Variants in TMEM178B observed in about 807,000 individuals in gnomAD.
TMEM178B encodes the protein transmembrane protein 178B.
Under a neutral mutation model 31.0 loss-of-function variants are expected in TMEM178B, and 5 were observed. The ratio of observed to expected loss-of-function variants is 0.16; its 90% CI spans 0.08 to 0.34. TMEM178B has a LOEUF of 0.34. TMEM178B is among the 10% of genes least tolerant of loss of function. The pLI is 1.00. For missense variants in TMEM178B, 275 were observed against 400.3 expected, an observed-to-expected ratio of 0.69 and a Z score of 2.67; for synonymous variants, 164 against 164.0, an observed-to-expected ratio of 1.00 and a Z score of 0.00.
rs969743698 is a variant in TMEM178B at position 141,138,721 on chromosome 7, G to A, written c.382+64029G>A. Among the ~76,000 whole-genome samples the A allele has an allele frequency of 3.3e-5, 5 of 152,038 alleles. No individual in the cohort carries two copies. In the East Asian group the frequency reaches 5.8e-4, roughly 18 times the overall value. ...GTGGTGGCCGGGCGGGGTGGCTCACGCCTGTAATCCCAGCACTTTGGGAGG... is the reference window on the plus strand; with the variant it reads ...GTGGTGGCCGGGCGGGGTGGCTCACACCTGTAATCCCAGCACTTTGGGAGG... On this transcript the variant is annotated intron_variant, in intron 1 of 3. Transcript: ENST00000565468.
intron 1 of TMEM178B, among the ~76,000 whole-genome samples, chr7:141,088,427 G>T (rs1794823715): frequency 6.6e-6 from 1 of 151,974 alleles, no homozygotes; most frequent in Non-Finnish European, 1.5e-5. Context: ...CTTCTTCTTT[G>T]CCAGTTTTTC....
intron 1 of TMEM178B, among the ~76,000 whole-genome samples, chr7:141,090,760 T>C (rs1055930007): frequency 1.3e-5 from 2 of 152,220 alleles, no homozygotes; most frequent in Non-Finnish European, 2.9e-5. Flanking sequence ...AGAGATGTCA[T>C]GGCCAGCCAA....
Position 141,252,821 on chromosome 7 carries a change from T to A in TMEM178B, c.496+40117T>A, listed in dbSNP as rs148749503. Among the ~76,000 whole-genome samples the A allele has an allele frequency of 3.9e-3, 595 of 152,336 alleles. 3 individuals carry two copies. Among genetic ancestry groups the A allele is most frequent in the South Asian group, 0.019 (91 of 4,828 alleles). On this transcript the variant is annotated intron_variant, in intron 2 of 3. Coordinates refer to ENST00000565468, the MANE Select transcript of TMEM178B (RefSeq NM_001195278.2). ...GAAAGCCAATACAGCAGTGGCACAG[T>A]TAGCACCAGGTGTCCTGGGTCTCAG...
intron 2 of TMEM178B, chr7:141,416,393 T>C (rs1801096860): frequency 6.5e-6 from 1 of 152,688 alleles, no homozygotes; most frequent in Admixed American, 6.5e-5. Flanking sequence ...TTTGTGCTAC[T>C]GAGTAGGAGG....
intron 2 of TMEM178B, among the ~76,000 whole-genome samples, chr7:141,392,169 TCAAAA>T (rs1800555228): frequency 1.3e-5 from 2 of 152,166 alleles, no homozygotes; most frequent in African/African-American, 2.4e-5. Context: ...TCACTCAGAT[TCAAAA>T]CAAAACAAGT....
In TMEM178B at chr7:141,213,095, G is replaced by T. The variant is rs540314198; in HGVS notation, c.496+391G>T. Among the ~76,000 whole-genome samples the T allele has an allele frequency of 4.6e-5, 7 of 152,180 alleles. No individual in the cohort carries two copies. In the South Asian group the frequency reaches 1.5e-3, roughly 32 times the overall value. Reference sequence around the variant, plus strand: ...ATTGTGGTAACCTGTTAGTCCCTTGGGTTGCATTTGTAAAGGATGAGACCA... The same window carrying T: ...ATTGTGGTAACCTGTTAGTCCCTTGTGTTGCATTTGTAAAGGATGAGACCA... On this transcript the variant is annotated intron_variant, in intron 2 of 3. Transcript: ENST00000565468.
chr7:141,168,582 G>A (rs1009502296), intron 1 of TMEM178B, among the ~76,000 whole-genome samples: 2 of 152,084 alleles, frequency 1.3e-5, no homozygotes, highest in Non-Finnish European at 2.9e-5. Context: ...GACGAGCCTG[G>A]CCAACATGGT....
chr7:141,507,791 A>G, the TMEM178B span, among the ~76,000 whole-genome samples: 1 of 152,208 alleles, frequency 6.6e-6, no homozygotes. Context: ...CCTTTCAGCC[A>G]TGGCTGAAGC....
intron 1 of TMEM178B, among the ~76,000 whole-genome samples, chr7:141,189,114 A>G (rs1254043732): frequency 6.6e-6 from 1 of 152,258 alleles, no homozygotes. Context: ...CCTGGACATC[A>G]TAAGAGGCTT....
chr7:141,484,304 T>C (rs1036699942), downstream of TMEM178B, among the ~76,000 whole-genome samples: 2 of 152,198 alleles, frequency 1.3e-5, no homozygotes, highest in Non-Finnish European at 2.9e-5. This position sits in a 1 kb window ranked among gnomAD's most constrained non-coding sequence, Gnocchi z 4.8. Flanking sequence ...TGCAGAACTT[T>C]CCTTTGCTAG....
intron 2 of TMEM178B, among the ~76,000 whole-genome samples, chr7:141,244,100 G>A (rs1312231645): frequency 6.6e-6 from 1 of 152,066 alleles, no homozygotes; most frequent in African/African-American, 2.4e-5. Context: ...TATATTTTTA[G>A]GCTGTTATTT....
intron 3 of TMEM178B, among the ~76,000 whole-genome samples, chr7:141,467,830 T>C (rs1315424953): frequency 6.6e-6 from 1 of 152,166 alleles, no homozygotes; most frequent in Non-Finnish European, 1.5e-5. Context: ...GGGATTATTT[T>C]CTTAAAGTGA....
intron 3 of TMEM178B, among the ~76,000 whole-genome samples, chr7:141,457,348 C>A (rs2366240): frequency 0.21 from 31,322 of 152,128 alleles, 3,324 homozygotes; most frequent in East Asian, 0.29. Context: ...TCCTAATATA[C>A]CCACATATAA....
chr7:141,261,088 C>T (rs890559892), intron 2 of TMEM178B, among the ~76,000 whole-genome samples: 10 of 152,176 alleles, frequency 6.6e-5, no homozygotes, highest in South Asian at 2.1e-4. Flanking sequence ...CAGTATATTT[C>T]TGTATTTAAA....
At chr7:141,160,840 A>T (rs1796157533) in intron 1 of TMEM178B, among the ~76,000 whole-genome samples, 1 of 152,122 alleles carries the variant, frequency 6.6e-6, no homozygotes. Flanking sequence ...TAAATTCAAC[A>T]CATTTTTATT....
At chr7:141,250,811 T>G (rs575672905) in intron 2 of TMEM178B, among the ~76,000 whole-genome samples, 2 of 152,326 alleles carry the variant, frequency 1.3e-5, no homozygotes, top group Admixed American at 6.5e-5. Flanking sequence ...ATGGCCTCAT[T>G]GTTTGCCCAA....
At chr7:141,496,478 G>A in the TMEM178B span, among the ~76,000 whole-genome samples, 4 of 149,812 alleles carry the variant, frequency 2.7e-5, no homozygotes, top group South Asian at 6.2e-4. Context: ...AGACCATCCC[G>A]GCTAAAACGG....
intron 3 of TMEM178B, among the ~76,000 whole-genome samples, chr7:141,443,919 G>T (rs1308761765): frequency 6.6e-6 from 1 of 152,102 alleles, no homozygotes; most frequent in Non-Finnish European, 1.5e-5. Context: ...TTCTTTTGTT[G>T]CTCTCATTGG....
intron 2 of TMEM178B, among the ~76,000 whole-genome samples, chr7:141,294,391 G>C (rs993232196): frequency 1.3e-5 from 2 of 152,192 alleles, no homozygotes; most frequent in Non-Finnish European, 2.9e-5. Flanking sequence ...CCCAAAGCAA[G>C]AAGCAGCAGG....
Sources: allele counts gnomAD v4.1 joint callset (sites outside exome capture counted in the v4.1 genomes callset), GRCh38; gene constraint gnomAD v4.1.1; non-coding constraint Gnocchi (gnomAD v3.1); transcripts MANE v1.5; gene names NCBI Gene and HGNC (gene_info 2026-07-23, HGNC 2026-07-21).